The following SYDE2 variants were observed in gnomAD, a reference collection of about 807,000 sequenced individuals.
The protein encoded by SYDE2 is rho GTPase-activating protein SYDE2.
A neutral mutation model predicts 91.5 loss-of-function variants in SYDE2; 76 were observed. The ratio of observed to expected loss-of-function variants is 0.83; its 90% CI spans 0.69 to 1.01. The LOEUF (loss-of-function observed/expected upper bound fraction) is 1.01, where lower values mean the gene tolerates loss of function less well. Ranked by LOEUF, SYDE2 falls within the 50% of genes least tolerant of loss-of-function variation. The pLI is 0.00. For synonymous variants in SYDE2, 513 were observed against 506.4 expected (o/e 1.01, Z -0.18); for missense variants, 1,364 against 1,367.7 (o/e 1.00, Z 0.04).
chr1:85,173,261 T>TA (rs1238280691), intron 4 of SYDE2, among the ~76,000 whole-genome samples: 2 of 151,836 alleles, frequency 1.3e-5, no homozygotes, highest in African/African-American at 2.4e-5. Flanking sequence ...CATGTGAAGA[T>TA]AGAGTATTGG....
chr1:85,190,136 C>G lies in SYDE2; in HGVS notation c.1362G>C (p.Gln454His). The change falls in exon 2 of 7, where the codon CAG becomes CAC. Residue 454 changes from glutamine to histidine, a missense_variant. Gln to His is a conservative substitution (Grantham distance 24, BLOSUM62 0). Coordinates refer to ENST00000341460, the MANE Select transcript of SYDE2 (RefSeq NM_032184.2). ...HPAHSTEFVQ[Q>H]YKQKLGHKTQ... is the part of the protein sequence containing the mutation. ...TCTTGTGTCCTAGCTTTTGCTTGTA[C>G]TGCTGCACAAATTCTGTGGAATGGG... 1 of 1,613,994 alleles carries G rather than the reference C, an allele frequency of 6.2e-7. No homozygotes were observed. Among genetic ancestry groups the G allele is most frequent in the Non-Finnish European group, 8.5e-7 (1 of 1,179,880 alleles).
intron 5 of SYDE2, among the ~76,000 whole-genome samples, chr1:85,166,655 T>C (rs1215746387): frequency 1.3e-5 from 2 of 152,182 alleles, no homozygotes; most frequent in African/African-American, 2.4e-5. Context: ...GAGAAGAATA[T>C]GGCATTTTAA....
At chr1:85,167,241 AAAG>A (rs1047539419) in intron 5 of SYDE2, among the ~76,000 whole-genome samples, 5 of 151,956 alleles carry the variant, frequency 3.3e-5, no homozygotes, top group East Asian at 3.9e-4. Flanking sequence ...CCAGAAAAAA[AAAG>A]AAGAAAATTA....
rs1212345072 is a variant in SYDE2 at position 85,159,005 on chromosome 1, C to T, written c.3330G>A (p.Val1110=). 2 of 780,608 alleles carry T rather than the reference C, an allele frequency of 2.6e-6. No homozygotes were observed. Among genetic ancestry groups the T allele is most frequent in the Non-Finnish European group, 4.8e-6 (2 of 417,958 alleles). The allele number at this position is 780,608 out of a possible 1,614,324, so 48.4% of individuals were successfully genotyped here. A position where few individuals can be genotyped will look rare whatever the true frequency, so the allele number is the denominator to read the frequency against. ...FLNTKENLND[V]DYDDVPSEDR... is the part of the protein sequence containing the mutation. ...CTTCTGAAGGGACATCATCATAATC[C>T]ACATCATTTAAATTTTCTTTTGTAT... Residue 1110 remains valine, a synonymous_variant, in exon 7 of 7, where the codon GTG becomes GTA. Coordinates refer to ENST00000341460, the MANE Select transcript of SYDE2 (RefSeq NM_032184.2).
chr1:85,167,562 T>C (rs1272959573), intron 5 of SYDE2, among the ~76,000 whole-genome samples: 3 of 152,160 alleles, frequency 2.0e-5, no homozygotes, highest in Non-Finnish European at 4.4e-5. Context: ...GCCATCCTTT[T>C]ACCTCAGCCT....
chr1:85,193,487 A>G (rs1330248060), intron 1 of SYDE2, among the ~76,000 whole-genome samples: 1 of 152,200 alleles, frequency 6.6e-6, no homozygotes, highest in Non-Finnish European at 1.5e-5. Context: ...TCTGACATAC[A>G]CTATAAATGA....
rs188857028 is a variant in SYDE2, at chr1:85,192,502, C to G, written c.746-1750G>C. Among the ~76,000 whole-genome samples the G allele has an allele frequency of 2.0e-5, 3 of 152,184 alleles. 1 individual carries two copies. ...AATAATAAATAAATAAATAAACAAA[C>G]CTTAAACACAAATTGCAAGTCACAT... On this transcript the variant is annotated intron_variant, in intron 1 of 6. Transcript: ENST00000341460.
At chr1:85,156,588 TTATAGC>T (rs1485436079), downstream of SYDE2, among the ~76,000 whole-genome samples, 1 of 152,074 alleles carries the variant, frequency 6.6e-6, no homozygotes, top group Non-Finnish European at 1.5e-5. Context: ...TAAAAGCAGT[TTATAGC>T]TATAACTCGG....
At chr1:85,160,402 T>C (rs1657018324) in intron 6 of SYDE2, 3 of 882,454 alleles carry the variant, frequency 3.4e-6, no homozygotes, top group African/African-American at 1.8e-5. Context: ...TACACAGGTA[T>C]GTTTTTAACA....
intron 2 of SYDE2, 31 bp downstream of exon 2, chr1:85,190,026 G>C (rs1477055622): frequency 2.7e-6 from 4 of 1,476,118 alleles, no homozygotes; most frequent in Non-Finnish European, 3.6e-6. Flanking sequence ...AATGGAAGAA[G>C]AAAGAAAGAC....
intron 4 of SYDE2, among the ~76,000 whole-genome samples, chr1:85,170,897 CA>C (rs1443247038): frequency 6.6e-6 from 1 of 152,164 alleles, no homozygotes; most frequent in Admixed American, 6.6e-5. Context: ...ACCTTGCACA[CA>C]ATCACTTTGT....
rs935652134 is a variant in SYDE2 at position 85,197,424 on chromosome 1, A to G, written c.745+2828T>C. The stretch of plus-strand genomic sequence containing the variant: ...TACAAATTCTAAATGTAATTTTGAC[A>G]AAATATCTTATGAATAATACTGTAC... On this transcript the variant is annotated intron_variant, in intron 1 of 6. Transcript: ENST00000341460. Among the ~76,000 whole-genome samples, 4 of 152,306 alleles carry G rather than the reference A, an allele frequency of 2.6e-5. No homozygotes were observed. The East Asian group carries it at 5.8e-4, about 22-fold the overall frequency.
At position 85,182,446 on chromosome 1, in the gene SYDE2, G is replaced by T; in HGVS notation, c.2196C>A (p.Phe732Leu). The change falls in exon 3 of 7, where the codon TTC becomes TTA. Residue 732 changes from phenylalanine (F) to leucine (L), a missense_variant. By Grantham distance (22) the Phe-to-Leu change is conservative. Coordinates refer to ENST00000341460, the MANE Select transcript of SYDE2 (RefSeq NM_032184.2). ...RTTFLDMDHTFNIEIENAQHL... is the reference protein window; with the variant it reads ...RTTFLDMDHTLNIEIENAQHL... ...GTTGTGCATTTTCAATTTCTATGTT[G>T]AAAGTGTGATCCATGTCTAAAAATG... The T allele has an allele frequency of 6.2e-7, 1 of 1,613,508 alleles. No individual in the cohort carries two copies. The highest frequency in any genetic ancestry group is 1.1e-5 in the South Asian group (1 of 91,034).
downstream of SYDE2, chr1:85,152,738 A>G (rs1656809388): frequency 6.6e-6 from 1 of 152,248 alleles, no homozygotes. Context: ...AGGAGTGGAC[A>G]TAGACAATAA....
Position 85,200,643 on chromosome 1 carries a change from C to A in SYDE2, c.354G>T (p.Glu118Asp), listed in dbSNP as rs1197746183. 7.8e-6 allele frequency: 12 copies of A among 1,542,842 alleles called. No individual in the cohort carries two copies. Among genetic ancestry groups the A allele is most frequent in the African/African-American group, 1.4e-5 (1 of 73,162 alleles). The change falls in exon 1 of 7, where the codon GAG becomes GAT. Residue 118 changes from glutamate to aspartate, a missense_variant. By Grantham distance (45) the Glu-to-Asp change is conservative. Transcript: ENST00000341460. ...IRCGAHRDWDEPPPRGGRMDG... is the reference protein window; with the variant it reads ...IRCGAHRDWDDPPPRGGRMDG... ...CCATCCTGCCTCCACGTGGCGGGGG[C>A]TCGTCCCAGTCCCGGTGCGCGCCGC...
intron 4 of SYDE2, among the ~76,000 whole-genome samples, chr1:85,174,941 G>A (rs1448913667): frequency 6.6e-6 from 1 of 152,132 alleles, no homozygotes; most frequent in Admixed American, 6.5e-5. Flanking sequence ...ATGTTTTCAA[G>A]ATCATTTACT....
At chr1:85,183,274 T>C in intron 2 of SYDE2, 74 bp from the exon 3 acceptor site, 2 of 1,362,296 alleles carry the variant, frequency 1.5e-6, no homozygotes, top group East Asian at 2.4e-5. Flanking sequence ...TTATAAACCA[T>C]CAACTAAACA....
intron 2 of SYDE2, among the ~76,000 whole-genome samples, chr1:85,183,761 C>G (rs968625524): frequency 3.3e-5 from 5 of 152,112 alleles, no homozygotes; most frequent in African/African-American, 1.2e-4. Context: ...TTGAAACATT[C>G]TAGAGTTAAT....
intron 2 of SYDE2, among the ~76,000 whole-genome samples, chr1:85,186,668 T>G (rs12045942): frequency 0.047 from 7,153 of 151,644 alleles, 256 homozygotes; most frequent in East Asian, 0.17. Context: ...AAAACAGAGA[T>G]ATAGATCAAT....
Sources: allele counts gnomAD v4.1 joint callset (sites outside exome capture counted in the v4.1 genomes callset), GRCh38; gene constraint gnomAD v4.1.1; transcripts MANE v1.5; gene names NCBI Gene and HGNC (gene_info 2026-07-23, HGNC 2026-07-21).